The following CRACDL variants were observed in gnomAD, a reference collection of about 807,000 sequenced individuals.
CRACDL encodes the protein CRACD like, also known as CRACD-like protein.
In CRACDL, 26 loss-of-function variants were observed where a neutral mutation model predicts 70.6. The observed-to-expected ratio is 0.37, with a 90% CI of 0.27 to 0.51. The LOEUF is 0.51. CRACDL is among the 20% of genes least tolerant of loss of function. CRACDL has a pLI of 0.94. For synonymous variants in CRACDL, 618 were observed against 615.2 expected (o/e 1.00, Z -0.07); for missense variants, 1,283 against 1,376.9 (o/e 0.93, Z 1.08).
rs1483849852 is a variant in CRACDL at position 98,887,570 on chromosome 2, G to A, written c.-10-40760C>T. 2.0e-5 allele frequency among the ~76,000 whole-genome samples: 3 copies of A among 152,146 alleles called. No homozygotes were observed. In the East Asian group the frequency reaches 5.8e-4, roughly 29 times the overall value. On this transcript the variant is annotated intron_variant, in intron 1 of 9. Transcript: ENST00000397899. ...TACACTGAGAGCCACAGAAACGGAG[G>A]AAAGAGAAAGGTGCAGAAAGAATAT...
intron 1 of CRACDL, among the ~76,000 whole-genome samples, chr2:98,894,846 C>T (rs1252069169): frequency 6.6e-6 from 1 of 152,110 alleles, no homozygotes; most frequent in Admixed American, 6.6e-5. Context: ...TGGCTCATGT[C>T]TGTAATCTCA....
intron 7 of CRACDL, among the ~76,000 whole-genome samples, chr2:98,807,562 A>T (rs1399157236): frequency 6.6e-6 from 1 of 152,230 alleles, no homozygotes; most frequent in African/African-American, 2.4e-5. Flanking sequence ...GACACTGTGG[A>T]GCGTGGGCTG....
At chr2:98,826,080 A>T (rs1427127418) in intron 6 of CRACDL, among the ~76,000 whole-genome samples, 1 of 152,158 alleles carries the variant, frequency 6.6e-6, no homozygotes, top group African/African-American at 2.4e-5. Flanking sequence ...GACGCGTTAC[A>T]GTGCCCGTCA....
intron 1 of CRACDL, among the ~76,000 whole-genome samples, chr2:98,887,025 T>A (rs900638371): frequency 6.6e-6 from 1 of 151,606 alleles, no homozygotes; most frequent in African/African-American, 2.4e-5. Flanking sequence ...TAAGGAAAAA[T>A]TTTTAAAGAG....
chr2:98,861,117 C>T (rs909874233), intron 1 of CRACDL, among the ~76,000 whole-genome samples: 9 of 152,148 alleles, frequency 5.9e-5, no homozygotes, highest in Non-Finnish European at 8.8e-5. Flanking sequence ...GAGGCCAAGG[C>T]GGGTGGATCA....
intron 1 of CRACDL, among the ~76,000 whole-genome samples, chr2:98,904,287 C>G (rs1382131729): frequency 6.6e-6 from 1 of 152,222 alleles, no homozygotes. Flanking sequence ...AAGCTCCCCA[C>G]TGCAGTTACT....
At position 98,822,030 on chromosome 2, in the gene CRACDL, C is replaced by A. The variant is rs1320629770; in HGVS notation, c.2243G>T (p.Gly748Val). The A allele has an allele frequency of 1.9e-6, 3 of 1,543,342 alleles. No homozygotes were observed. The South Asian group carries it at 3.6e-5, about 18-fold the overall frequency. The stretch of plus-strand genomic sequence containing the variant: ...GAGCGGCTCGGGGGGCCGGGCCTTC[C>A]CCTTTCCTTGGTCGCTGGGGGCCCT... ...GTRAPSDQGK[G>V]KARPPEPLSS... is the part of the protein sequence containing the mutation. Residue 748 changes from glycine (G) to valine (V), a missense_variant, in exon 7 of 10, where the codon GGG becomes GTG. Around this residue, in one of 2 missense-constraint regions of CRACDL, gnomAD observed 921 missense variants for 881.9 expected, o/e 1.04. Transcript: ENST00000397899. The surrounding 1 kb of genome is among the most constrained non-coding windows in gnomAD (Gnocchi z 4.9).
At position 98,822,365 on chromosome 2, in the gene CRACDL, G is replaced by T; in HGVS notation, c.1908C>A (p.Gly636=). 1 of 1,470,580 alleles carries T rather than the reference G, an allele frequency of 6.8e-7. No homozygotes were observed. Among genetic ancestry groups the T allele is most frequent in the South Asian group, 1.3e-5 (1 of 76,254 alleles). The allele number at this position is 1,470,580 out of a possible 1,614,324, so 91.1% of individuals were successfully genotyped here. The part of the protein sequence containing the change: ...KPGPRKLAER[G]PQDSGDRAAS... ...CCGCCCTGTCCCCCGAGTCCTGAGG[G>T]CCGCGCTCCGCCAGCTTCCGAGGGC... Residue 636 remains glycine (G), a synonymous_variant, in exon 7 of 10, where the codon GGC becomes GGA. Coordinates refer to ENST00000397899, the MANE Select transcript of CRACDL (RefSeq NM_207362.3). The surrounding 1 kb of genome is among the most constrained non-coding windows in gnomAD (Gnocchi z 4.9).
intron 5 of CRACDL, among the ~76,000 whole-genome samples, chr2:98,831,430 C>T (rs1423139674): frequency 6.6e-6 from 1 of 152,204 alleles, no homozygotes; most frequent in South Asian, 2.1e-4. Flanking sequence ...TGAGTCGCAA[C>T]GAAGCTCCCC....
chr2:98,800,639 T>C (rs1429676987), intron 7 of CRACDL, among the ~76,000 whole-genome samples: 1 of 152,152 alleles, frequency 6.6e-6, no homozygotes, highest in East Asian at 1.9e-4. Context: ...GGTCAGTCTC[T>C]CTCCTAAGTC....
At chr2:98,807,147 A>T (rs938256808) in intron 7 of CRACDL, among the ~76,000 whole-genome samples, 2 of 152,242 alleles carry the variant, frequency 1.3e-5, no homozygotes, top group African/African-American at 4.8e-5. Flanking sequence ...CTTATGGAAC[A>T]AAGTGACTTG....
intron 7 of CRACDL, among the ~76,000 whole-genome samples, chr2:98,806,546 G>A (rs1002126743): frequency 6.6e-6 from 1 of 152,226 alleles, no homozygotes; most frequent in African/African-American, 2.4e-5. Flanking sequence ...TGTCAGTGGA[G>A]GAGCTGGACT....
intron 1 of CRACDL, among the ~76,000 whole-genome samples, chr2:98,921,391 C>T (rs1708799023): frequency 6.6e-6 from 1 of 152,266 alleles, no homozygotes; most frequent in African/African-American, 2.4e-5. Context: ...TGCAGACAGG[C>T]AAAGGAGGAA....
intron 1 of CRACDL, among the ~76,000 whole-genome samples, chr2:98,894,531 G>T (rs1190842175): frequency 6.6e-6 from 1 of 152,192 alleles, no homozygotes; most frequent in Non-Finnish European, 1.5e-5. Context: ...GCCCAGCACT[G>T]GTGAGTGGGT....
chr2:98,928,956 C>T lies in CRACDL; in HGVS notation c.-11+6982G>A, dbSNP rs375214155. 1.6e-4 allele frequency among the ~76,000 whole-genome samples: 25 copies of T among 152,226 alleles called. 1 individual carries two copies. In the South Asian group the frequency reaches 5.0e-3, roughly 30 times the overall value. On this transcript the variant is annotated intron_variant, in intron 1 of 9. Transcript: ENST00000397899. ...AGCTCAGAGACCGAATCACCCAGCCCCATGGAGAGGTGTGGCCATTTGACT... is the reference window on the plus strand; with the variant it reads ...AGCTCAGAGACCGAATCACCCAGCCTCATGGAGAGGTGTGGCCATTTGACT...
chr2:98,851,857 T>C (rs1706495162), intron 1 of CRACDL, among the ~76,000 whole-genome samples: 1 of 152,172 alleles, frequency 6.6e-6, no homozygotes, highest in Non-Finnish European at 1.5e-5. Context: ...AAAACAATCA[T>C]TTGAAGGCAG....
intron 1 of CRACDL, among the ~76,000 whole-genome samples, chr2:98,917,726 T>C (rs866760563): frequency 2.0e-5 from 3 of 152,212 alleles, no homozygotes; most frequent in Non-Finnish European, 2.9e-5. Flanking sequence ...TCTGGGCTTT[T>C]AGTGTAACCA....
intron 1 of CRACDL, among the ~76,000 whole-genome samples, chr2:98,913,743 C>T (rs1215517294): frequency 2.0e-5 from 3 of 152,238 alleles, no homozygotes; most frequent in Admixed American, 6.5e-5. Flanking sequence ...GTGACCTACA[C>T]GCTCTGAGCC....
chr2:98,863,016 T>C (rs1706998481), intron 1 of CRACDL, among the ~76,000 whole-genome samples: 1 of 152,084 alleles, frequency 6.6e-6, no homozygotes, highest in African/African-American at 2.4e-5. Context: ...TACACACACA[T>C]ATGTTTATGT....
Sources: allele counts gnomAD v4.1 joint callset (sites outside exome capture counted in the v4.1 genomes callset), GRCh38; gene constraint gnomAD v4.1.1; regional missense constraint gnomAD v4.1.1; non-coding constraint Gnocchi (gnomAD v3.1); transcripts MANE v1.5; gene names NCBI Gene and HGNC (gene_info 2026-07-23, HGNC 2026-07-21).